ANKRD44: variants seen among roughly 807,000 people sequenced by gnomAD.
The protein encoded by ANKRD44 is ankyrin repeat domain 44, also known as serine/threonine-protein phosphatase 6 regulatory ankyrin repeat subunit B.
A neutral mutation model predicts 116.0 loss-of-function variants in ANKRD44; 35 were observed. The ratio of observed to expected loss-of-function variants is 0.30; its 90% confidence interval spans 0.23 to 0.40. ANKRD44 has a LOEUF of 0.40. Among genes scored for constraint, ANKRD44 ranks in the 10% least tolerant of loss-of-function variants. The pLI is 1.00. For missense variants in ANKRD44, 1,014 were observed against 1,242.6 expected, an observed-to-expected ratio of 0.82 and a Z score of 2.77; for synonymous variants, 435 against 461.8, an observed-to-expected ratio of 0.94 and a Z score of 0.74.
intron 1 of ANKRD44, among the ~76,000 whole-genome samples, chr2:197,257,648 A>G (rs1419910474): frequency 6.6e-6 from 1 of 152,180 alleles, no homozygotes; most frequent in Non-Finnish European, 1.5e-5. Context: ...ATTCTCCATG[A>G]TGTACTTATT....
intron 16 of ANKRD44, among the ~76,000 whole-genome samples, chr2:197,034,496 C>T (rs907454851): frequency 6.8e-6 from 1 of 147,220 alleles, no homozygotes; most frequent in African/African-American, 2.5e-5. Flanking sequence ...TCTATTGGCA[C>T]AATAAACTTT....
At chr2:197,208,563 G>C (rs544262737) in intron 1 of ANKRD44, among the ~76,000 whole-genome samples, 4 of 152,156 alleles carry the variant, frequency 2.6e-5, no homozygotes, top group Non-Finnish European at 5.9e-5. Flanking sequence ...CACTTTGGGA[G>C]GCCGAGGAGG....
rs73991218 is a variant in ANKRD44, at chr2:197,152,956, C to T, written c.112-5851G>A. 9.7e-3 allele frequency among the ~76,000 whole-genome samples: 1,476 copies of T among 152,252 alleles called. 22 individuals carry two copies. The highest frequency in any genetic ancestry group is 0.033 in the African/African-American group (1,365 of 41,530). ...TTTGGGCCGGACGTGGTGGCTCATG[C>T]ATGCAATCCCTGCACTTCGGGAGGC... On this transcript the variant is annotated intron_variant, in intron 2 of 27. Transcript: ENST00000282272.
chr2:197,003,150 T>C (rs1300669580), intron 21 of ANKRD44, among the ~76,000 whole-genome samples: 6 of 145,352 alleles, frequency 4.1e-5, no homozygotes, highest in Admixed American at 1.4e-4. Context: ...CTCCTAAAAA[T>C]ACCAAAAAAA....
At chr2:196,974,379 G>A (rs749790088) in intron 21 of ANKRD44, among the ~76,000 whole-genome samples, 1 of 152,054 alleles carries the variant, frequency 6.6e-6, no homozygotes, top group Non-Finnish European at 1.5e-5. Flanking sequence ...CACTGAGCCT[G>A]GCCAAAACAA....
chr2:197,253,146 G>C (rs765769169), intron 1 of ANKRD44, among the ~76,000 whole-genome samples: 1 of 152,128 alleles, frequency 6.6e-6, no homozygotes, highest in Non-Finnish European at 1.5e-5. Flanking sequence ...CCTGTATAAC[G>C]ATGGTACAAC....
chr2:196,992,206 T>C (rs1010695897), intron 27 of ANKRD44, among the ~76,000 whole-genome samples: 7 of 152,198 alleles, frequency 4.6e-5, no homozygotes, highest in Non-Finnish European at 1.5e-5. Flanking sequence ...TTCAGAGGAA[T>C]GGCTCAATGA....
At chr2:197,276,275 C>CAAA (rs11351342) in intron 1 of ANKRD44, among the ~76,000 whole-genome samples, 14 of 108,050 alleles carry the variant, frequency 1.3e-4, no homozygotes, top group Non-Finnish European at 2.2e-4. Context: ...AACTTGGTCT[C>CAAA]AAAAAAAAAA....
At chr2:197,136,354 C>A in intron 4 of ANKRD44, 2 of 543,630 alleles carry the variant, frequency 3.7e-6, no homozygotes, top group South Asian at 4.8e-5. Flanking sequence ...AGGCTGAGAA[C>A]TCATTGAAAT....
At chr2:196,977,155 C>A (rs1156401558) in intron 21 of ANKRD44, among the ~76,000 whole-genome samples, 1 of 152,094 alleles carries the variant, frequency 6.6e-6, no homozygotes, top group African/African-American at 2.4e-5. Context: ...AACTAGAAAG[C>A]ACTGTTGAAA....
chr2:197,126,844 T>G (rs1240720590), intron 4 of ANKRD44, among the ~76,000 whole-genome samples: 1 of 39,070 alleles, frequency 2.6e-5, no homozygotes, highest in African/African-American at 4.5e-5. Flanking sequence ...CAACCGGGAG[T>G]GGTGTTGTGG....
chr2:197,273,135 A>G (rs1288968263), intron 1 of ANKRD44, among the ~76,000 whole-genome samples: 1 of 152,174 alleles, frequency 6.6e-6, no homozygotes, highest in African/African-American at 2.4e-5. Flanking sequence ...CCGAGGCCCA[A>G]GGTTCCTAAT....
intron 2 of ANKRD44, among the ~76,000 whole-genome samples, chr2:197,173,957 C>T (rs2080301371): frequency 6.6e-6 from 1 of 152,132 alleles, no homozygotes; most frequent in South Asian, 2.1e-4. Context: ...CACTTGAACT[C>T]AGGAGGCAGA....
intron 1 of ANKRD44, among the ~76,000 whole-genome samples, chr2:197,209,778 T>C (rs760782610): frequency 6.6e-6 from 1 of 152,230 alleles, no homozygotes; most frequent in Non-Finnish European, 1.5e-5. Flanking sequence ...ACATTGCTTC[T>C]AAGTTCTCTA....
chr2:197,031,573 C>T (rs531182888), intron 16 of ANKRD44, among the ~76,000 whole-genome samples: 2 of 152,314 alleles, frequency 1.3e-5, no homozygotes, highest in South Asian at 4.1e-4. Flanking sequence ...TATAACCTTT[C>T]ATCTAATTTA....
intron 1 of ANKRD44, among the ~76,000 whole-genome samples, chr2:197,281,380 T>C (rs1476890922): frequency 6.6e-6 from 1 of 151,162 alleles, no homozygotes; most frequent in Non-Finnish European, 1.5e-5. Context: ...TTCCCTAACC[T>C]CTCAATCTGG....
chr2:197,003,754 C>T lies in ANKRD44; in HGVS notation c.2348-1914G>A, dbSNP rs192852981. Among the ~76,000 whole-genome samples, 8 of 152,266 alleles carry T rather than the reference C, an allele frequency of 5.3e-5. No individual in the cohort carries two copies. The South Asian group carries it at 1.7e-3, about 32-fold the overall frequency. On this transcript the variant is annotated intron_variant, in intron 21 of 27. Transcript: ENST00000282272. ...GCCATTATAATCAGCACTCTCACTG[C>T]ATCCTTCTCCTCTTGTAGGTTCTCC... is the stretch of plus-strand genomic sequence containing the variant.
chr2:197,155,554 A>G (rs2079788117), intron 2 of ANKRD44, among the ~76,000 whole-genome samples: 3 of 152,240 alleles, frequency 2.0e-5, no homozygotes, highest in Middle Eastern at 3.2e-3. Context: ...TCAAAACAAT[A>G]TGGTATTGGT....
At chr2:197,285,611 A>G (rs1254073744) in intron 1 of ANKRD44, among the ~76,000 whole-genome samples, 4 of 152,200 alleles carry the variant, frequency 2.6e-5, no homozygotes, top group Non-Finnish European at 5.9e-5. Context: ...CCTACAACCA[A>G]GAGCTTCTTA....
Sources: gnomAD v4.1 joint callset for allele counts (sites outside exome capture counted in the v4.1 genomes callset) on GRCh38, gnomAD v4.1.1 for gene constraint, MANE v1.5 for transcripts, NCBI Gene and HGNC (gene_info 2026-07-23, HGNC 2026-07-21) for gene names.